The following RANBP17 variants were observed in gnomAD, a reference collection of about 807,000 sequenced individuals.
The protein encoded by RANBP17 is ran-binding protein 17.
A neutral mutation model predicts 141.2 loss-of-function variants in RANBP17; 158 were observed. That is an observed-to-expected ratio of 1.12 (90% CI 0.98 to 1.28). RANBP17 has a LOEUF of 1.28. Among genes scored for constraint, RANBP17 ranks in the 50% most tolerant of loss-of-function variants. The pLI, the probability that RANBP17 is intolerant of heterozygous loss-of-function variation, is 0.00. For synonymous variants in RANBP17, 430 were observed against 450.0 expected (o/e 0.96, Z 0.56); for missense variants, 1,438 against 1,290.7 (o/e 1.11, Z -1.75).
intron 16 of RANBP17, among the ~76,000 whole-genome samples, chr5:171,172,823 T>C (rs889571914): frequency 1.3e-5 from 2 of 151,880 alleles, no homozygotes; most frequent in Non-Finnish European, 2.9e-5. Context: ...ATTTAAGATC[T>C]TTTTCTATCC....
intron 14 of RANBP17, among the ~76,000 whole-genome samples, chr5:171,155,357 T>G (rs1293882564): frequency 6.6e-6 from 1 of 151,906 alleles, no homozygotes; most frequent in Admixed American, 6.6e-5. Flanking sequence ...TTGTCAGTTA[T>G]TTTTCTTGAT....
chr5:171,271,594 A>G (rs1291473736), intron 25 of RANBP17: 1 of 209,366 alleles, frequency 4.8e-6, no homozygotes, highest in Non-Finnish European at 9.7e-6. Flanking sequence ...GTGATCCTTA[A>G]ATAAAAAATA....
intron 1 of RANBP17, among the ~76,000 whole-genome samples, chr5:170,872,932 G>A (rs769573321): frequency 6.6e-6 from 1 of 151,702 alleles, no homozygotes; most frequent in Non-Finnish European, 1.5e-5. Context: ...CTTTTTTTAA[G>A]ACGGAGTCTT....
At chr5:171,297,604 C>T (rs1768897072) in intron 27 of RANBP17, among the ~76,000 whole-genome samples, 1 of 151,384 alleles carries the variant, frequency 6.6e-6, no homozygotes, top group South Asian at 2.1e-4. Flanking sequence ...AAAGGGACAA[C>T]CTCAGAAGCC....
chr5:171,228,935 A>G (rs544377108), intron 22 of RANBP17, among the ~76,000 whole-genome samples: 2 of 152,318 alleles, frequency 1.3e-5, no homozygotes, highest in East Asian at 1.9e-4. Flanking sequence ...GAAACCAGAA[A>G]AAAAAAAGTG....
chr5:171,020,595 CT>C (rs944721268), intron 14 of RANBP17, among the ~76,000 whole-genome samples: 97 of 145,378 alleles, frequency 6.7e-4, no homozygotes, highest in South Asian at 1.3e-3. Flanking sequence ...GTAACCCCTG[CT>C]TTTTTTTTTT....
chr5:171,089,538 G>C (rs970379053), intron 14 of RANBP17, among the ~76,000 whole-genome samples: 1 of 152,016 alleles, frequency 6.6e-6, no homozygotes, highest in African/African-American at 2.4e-5. Flanking sequence ...CTGGGCAATG[G>C]CGGGCGCCCC....
chr5:171,060,599 A>T (rs188357197), intron 14 of RANBP17, among the ~76,000 whole-genome samples: 4,109 of 152,224 alleles, frequency 0.027, 178 homozygotes, highest in African/African-American at 0.093. Context: ...ATCAATGTTC[A>T]TCAAGGATAT....
chr5:170,932,600 T>G (rs192448826), intron 12 of RANBP17, among the ~76,000 whole-genome samples: 1,546 of 152,252 alleles, frequency 0.01, 61 homozygotes, highest in East Asian at 0.081. Flanking sequence ...CCTAGTTTAT[T>G]GAGAGTTTTT....
At chr5:171,252,416 T>C (rs556042441) in intron 24 of RANBP17, 8 of 1,521,390 alleles carry the variant, frequency 5.3e-6, no homozygotes, top group Non-Finnish European at 7.3e-6. Context: ...TTTTTAGACC[T>C]GTCTGTTGAC....
chr5:171,183,201 G>A lies in RANBP17; in HGVS notation c.1900G>A (p.Ala634Thr). 3 of 1,583,552 alleles carry A rather than the reference G, an allele frequency of 1.9e-6. No homozygotes were observed. The highest frequency in any genetic ancestry group is 2.2e-5 in the East Asian group (1 of 44,672). The change falls in exon 17 of 28, where the codon GCT (alanine) becomes ACT (threonine). Residue 634 changes from alanine to threonine, a missense_variant. Transcript: ENST00000523189. ...ILLKKLVKID[A>T]VKFMLKNHTS... is the part of the protein sequence containing the mutation. ...TTTAAAAAAACTTGTGAAGATAGATGCTGTGAAATTCATGCTAAAAAACCA... is the reference window on the plus strand; with the variant it reads ...TTTAAAAAAACTTGTGAAGATAGATACTGTGAAATTCATGCTAAAAAACCA...
At chr5:171,069,964 G>T (rs926647950) in intron 14 of RANBP17, among the ~76,000 whole-genome samples, 1 of 152,132 alleles carries the variant, frequency 6.6e-6, no homozygotes, top group African/African-American at 2.4e-5. Context: ...CCTTGTAAAA[G>T]AAGTGAAAGG....
chr5:171,214,160 A>G (rs1221837694), intron 21 of RANBP17, among the ~76,000 whole-genome samples: 1 of 152,206 alleles, frequency 6.6e-6, no homozygotes, highest in African/African-American at 2.4e-5. Flanking sequence ...AATTCAATTC[A>G]TGGGAACATA....
intron 14 of RANBP17, among the ~76,000 whole-genome samples, chr5:171,045,475 C>T (rs193249217): frequency 2.6e-5 from 4 of 152,190 alleles, no homozygotes; most frequent in Middle Eastern, 3.4e-3. Flanking sequence ...ACTCGATCCT[C>T]ATTCTCAAAA....
chr5:171,082,242 G>A (rs1785300858), intron 14 of RANBP17, among the ~76,000 whole-genome samples: 1 of 151,986 alleles, frequency 6.6e-6, no homozygotes, highest in Admixed American at 6.6e-5. Context: ...TAGAATATAT[G>A]TGGCATTGTG....
intron 14 of RANBP17, among the ~76,000 whole-genome samples, chr5:171,081,751 T>G (rs1203550832): frequency 6.6e-6 from 1 of 152,158 alleles, no homozygotes; most frequent in East Asian, 1.9e-4. Context: ...TAAAGGCACA[T>G]TACTTAATTG....
At chr5:171,042,915 C>G (rs1782341659) in intron 14 of RANBP17, among the ~76,000 whole-genome samples, 1 of 152,014 alleles carries the variant, frequency 6.6e-6, no homozygotes, top group African/African-American at 2.4e-5. Flanking sequence ...TCTGCAGTAT[C>G]TTCTAAAATA....
chr5:170,933,008 C>G lies in RANBP17; in HGVS notation c.1468+8458C>G, dbSNP rs544683656. Among the ~76,000 whole-genome samples, 59 of 152,282 alleles carry G rather than the reference C, an allele frequency of 3.9e-4. 1 individual carries two copies. The South Asian group carries it at 0.012, about 32-fold the overall frequency. On this transcript the variant is annotated intron_variant, in intron 12 of 27. Transcript: ENST00000523189. ...ATGGAACCAGCTCCTCTTTGTACCT[C>G]TGGTAGAATTCGGCTGTGAATCCAT...
At chr5:171,034,130 T>C (rs566763187) in intron 14 of RANBP17, among the ~76,000 whole-genome samples, 2 of 152,150 alleles carry the variant, frequency 1.3e-5, no homozygotes, top group Non-Finnish European at 2.9e-5. Flanking sequence ...AATAAATGAA[T>C]GAATAAATAT....
Sources: gnomAD v4.1 joint callset for allele counts (sites outside exome capture counted in the v4.1 genomes callset) on GRCh38, gnomAD v4.1.1 for gene constraint, MANE v1.5 for transcripts, NCBI Gene and HGNC (gene_info 2026-07-23, HGNC 2026-07-21) for gene names.